FSTL4: variants seen among roughly 807,000 people sequenced by gnomAD.
The protein encoded by FSTL4 is follistatin like 4, also known as follistatin-related protein 4.
In FSTL4, 28 loss-of-function variants were observed where a neutral mutation model predicts 78.2. That is an observed-to-expected ratio of 0.36 (90% confidence interval 0.27 to 0.49). The LOEUF (loss-of-function observed/expected upper bound fraction) is 0.49, where lower values mean the gene tolerates loss of function less well. FSTL4 is among the 20% of genes least tolerant of loss of function. The pLI, the probability that FSTL4 is intolerant of heterozygous loss-of-function variation, is 0.98. For missense variants in FSTL4, 922 were observed against 1,084.9 expected, an observed-to-expected ratio of 0.85 and a Z score of 2.11; for synonymous variants, 422 against 440.5, an observed-to-expected ratio of 0.96 and a Z score of 0.53.
the FSTL4 span, among the ~76,000 whole-genome samples, chr5:133,632,421 C>T: frequency 6.6e-6 from 1 of 152,254 alleles, no homozygotes; most frequent in East Asian, 1.9e-4. Context: ...GATTTTTCTT[C>T]TTTCTCAATG....
chr5:133,380,033 C>T (rs1490722391), intron 4 of FSTL4, among the ~76,000 whole-genome samples: 1 of 151,366 alleles, frequency 6.6e-6, no homozygotes, highest in Admixed American at 6.6e-5. Flanking sequence ...CACTGCACTC[C>T]AGCCTGGTGA....
intron 3 of FSTL4, among the ~76,000 whole-genome samples, chr5:133,564,129 C>T (rs1396655639): frequency 6.6e-6 from 1 of 152,166 alleles, no homozygotes; most frequent in Non-Finnish European, 1.5e-5. Flanking sequence ...ACACGATGTT[C>T]TCCTTGTGTG....
At position 133,217,280 on chromosome 5, in the gene FSTL4, T is replaced by C. The variant is rs1469452673; in HGVS notation, c.1557A>G (p.Pro519=). Residue 519 remains proline (P), a synonymous_variant, in exon 13 of 16, where the codon CCA becomes CCG. Transcript: ENST00000265342. ...VRNRYIYVAQ[P]ALSRVLVVDI... is the part of the protein sequence containing the mutation. ...CGACCACAAGGACTCTGCTCAGTGC[T>C]GGCTGGGCCACATAGATGTACCGGT... is the stretch of plus-strand genomic sequence containing the variant. 1 of 1,613,794 alleles carries C rather than the reference T, an allele frequency of 6.2e-7. No homozygotes were observed. The highest frequency in any genetic ancestry group is 8.5e-7 in the Non-Finnish European group (1 of 1,179,874).
intron 4 of FSTL4, among the ~76,000 whole-genome samples, chr5:133,340,553 C>A (rs1472148281): frequency 1.3e-5 from 2 of 152,100 alleles, no homozygotes; most frequent in Non-Finnish European, 2.9e-5. Context: ...CTCTGCACAC[C>A]CACTAATAAA....
chr5:133,593,682 A>G (rs1352072117), intron 2 of FSTL4, among the ~76,000 whole-genome samples: 1 of 152,230 alleles, frequency 6.6e-6, no homozygotes, highest in East Asian at 1.9e-4. Flanking sequence ...TCCGGGAGGC[A>G]GATGGACTTC....
At chr5:133,367,635 G>A (rs906576274) in intron 4 of FSTL4, among the ~76,000 whole-genome samples, 3 of 152,144 alleles carry the variant, frequency 2.0e-5, no homozygotes, top group East Asian at 1.9e-4. Flanking sequence ...GCTTGGCCAC[G>A]CTCTCTCTCC....
intron 2 of FSTL4, among the ~76,000 whole-genome samples, chr5:133,577,477 G>T (rs1031073411): frequency 1.3e-5 from 2 of 152,156 alleles, no homozygotes; most frequent in Non-Finnish European, 2.9e-5. Flanking sequence ...GGTGGGGGAG[G>T]CACAGCTGCC....
At chr5:133,794,104 T>G in the FSTL4 span, among the ~76,000 whole-genome samples, 1 of 152,106 alleles carries the variant, frequency 6.6e-6, no homozygotes, top group Non-Finnish European at 1.5e-5. Flanking sequence ...GGGCTGCACC[T>G]CTGGAGCTCC....
At chr5:133,385,430 A>G (rs1755676935) in intron 4 of FSTL4, among the ~76,000 whole-genome samples, 1 of 152,194 alleles carries the variant, frequency 6.6e-6, no homozygotes, top group South Asian at 2.1e-4. Flanking sequence ...TGTGATGTAC[A>G]CTAGAGAAGC....
intron 3 of FSTL4, among the ~76,000 whole-genome samples, chr5:133,479,350 G>A (rs1326787172): frequency 6.6e-6 from 1 of 152,248 alleles, no homozygotes; most frequent in Non-Finnish European, 1.5e-5. Context: ...GGGCCAGCCA[G>A]ACTCCACTGA....
the FSTL4 span, among the ~76,000 whole-genome samples, chr5:133,663,479 C>T: frequency 6.6e-6 from 1 of 152,200 alleles, no homozygotes; most frequent in Non-Finnish European, 1.5e-5. Flanking sequence ...ACCAAGAGAA[C>T]AGCCATTGGT....
At chr5:133,552,706 G>A (rs979956391) in intron 3 of FSTL4, among the ~76,000 whole-genome samples, 1 of 152,130 alleles carries the variant, frequency 6.6e-6, no homozygotes, top group Non-Finnish European at 1.5e-5. Context: ...AACAGAAATC[G>A]GGCTCAAGGG....
At chr5:133,439,918 G>A (rs1757115302) in intron 3 of FSTL4, among the ~76,000 whole-genome samples, 1 of 152,192 alleles carries the variant, frequency 6.6e-6, no homozygotes, top group African/African-American at 2.4e-5. Context: ...TCAGTAGTAG[G>A]CATTGTTTTA....
At chr5:133,346,571 C>T (rs939926245) in intron 4 of FSTL4, among the ~76,000 whole-genome samples, 1 of 152,098 alleles carries the variant, frequency 6.6e-6, no homozygotes, top group African/African-American at 2.4e-5. Context: ...CCTAAATGTT[C>T]TGAAATATCA....
upstream of FSTL4, among the ~76,000 whole-genome samples, chr5:133,615,382 A>AG (rs1761181096): frequency 6.6e-6 from 1 of 152,230 alleles, no homozygotes; most frequent in South Asian, 2.1e-4. Context: ...TGCTTAGGAG[A>AG]GCCCTGGATG....
At chr5:133,798,325 T>C in the FSTL4 span, among the ~76,000 whole-genome samples, 112,589 of 151,992 alleles carry the variant, frequency 0.74, 43,044 homozygotes, top group Middle Eastern at 0.89. Context: ...GCCATCTCGC[T>C]TCCCAGAGGA....
At chr5:133,801,627 G>C in the FSTL4 span, among the ~76,000 whole-genome samples, 4 of 152,256 alleles carry the variant, frequency 2.6e-5, no homozygotes, top group African/African-American at 9.6e-5. Context: ...AACCACAGCG[G>C]TGTCCCCGCC....
chr5:133,673,695 TA>T, the FSTL4 span, among the ~76,000 whole-genome samples: 2 of 152,190 alleles, frequency 1.3e-5, no homozygotes, highest in Non-Finnish European at 2.9e-5. Context: ...ATCTAGAGCC[TA>T]TTATATGCAC....
chr5:133,227,072 C>CAGAG (rs1165015925), intron 8 of FSTL4, among the ~76,000 whole-genome samples: 13 of 152,298 alleles, frequency 8.5e-5, no homozygotes, highest in African/African-American at 3.1e-4. Context: ...CAGTTGGAGG[C>CAGAG]AGAGGTGAAA....
Sources: allele counts gnomAD v4.1 joint callset (sites outside exome capture counted in the v4.1 genomes callset), GRCh38; gene constraint gnomAD v4.1.1; transcripts MANE v1.5; gene names NCBI Gene and HGNC (gene_info 2026-07-23, HGNC 2026-07-21).